Variants in SNX10 observed in about 807,000 individuals in gnomAD.
SNX10 encodes sorting nexin-10.
Under a neutral mutation model 28.5 loss-of-function variants are expected in SNX10, and 25 were observed. The observed-to-expected ratio is 0.88, with a 90% CI of 0.64 to 1.22. The LOEUF is 1.22. Among genes scored for constraint, SNX10 ranks in the 50% most tolerant of loss-of-function variants. The pLI is 0.00. For missense variants in SNX10, 223 were observed against 242.6 expected (o/e 0.92, Z 0.54); for synonymous variants, 62 against 81.4 (o/e 0.76, Z 1.28).
intron 1 of SNX10, among the ~76,000 whole-genome samples, chr7:26,307,606 C>A (rs1786649737): frequency 6.6e-6 from 1 of 152,100 alleles, no homozygotes; most frequent in Non-Finnish European, 1.5e-5. Context: ...TGCCATGAAA[C>A]CCAGCTAATT....
intron 1 of SNX10, among the ~76,000 whole-genome samples, chr7:26,338,180 G>A (rs1300953431): frequency 2.7e-5 from 4 of 147,162 alleles, no homozygotes; most frequent in African/African-American, 1.0e-4. Context: ...GCAGTGGCAT[G>A]GTCTTGGCTC....
chr7:26,292,319 G>T (rs1008443672), intron 1 of SNX10, among the ~76,000 whole-genome samples: 2 of 152,188 alleles, frequency 1.3e-5, no homozygotes, highest in South Asian at 2.1e-4. Flanking sequence ...GAGATGGAGC[G>T]CGTCGATCCA....
chr7:26,316,765 C>T (rs1787107745), intron 1 of SNX10, among the ~76,000 whole-genome samples: 1 of 152,192 alleles, frequency 6.6e-6, no homozygotes, highest in Non-Finnish European at 1.5e-5. Flanking sequence ...GGAGGATGAA[C>T]ACTGGGCAGC....
rs185623658 is a variant in SNX10 at position 26,363,621 on chromosome 7, C to T, written c.112-914C>T. ...TTACTCAAAGGAGAATATTTACTCT[C>T]GTCTTATGTTTACGCAAAGGAGAAT... On this transcript the variant is annotated intron_variant, in intron 3 of 6. Coordinates refer to ENST00000338523, the MANE Select transcript of SNX10 (RefSeq NM_013322.3). 2.1e-3 allele frequency among the ~76,000 whole-genome samples: 327 copies of T among 152,214 alleles called. 2 individuals are homozygous for T. The highest frequency in any genetic ancestry group is 7.6e-3 in the African/African-American group (316 of 41,540).
chr7:26,365,113 G>C lies in SNX10; in HGVS notation c.279G>C (p.Gln93His). The C allele has an allele frequency of 3.7e-6, 6 of 1,613,036 alleles. No individual in the cohort carries two copies. Among genetic ancestry groups the C allele is most frequent in the Non-Finnish European group, 5.1e-6 (6 of 1,179,026 alleles). ...FNMNNRQHVD[Q>H]RRQGLEDFLR... ...TGAACAATCGCCAGCACGTGGATCAGCGTCGCCAGGGTCTGGAAGATTTCC... is the reference window on the plus strand; with the variant it reads ...TGAACAATCGCCAGCACGTGGATCACCGTCGCCAGGGTCTGGAAGATTTCC... The change falls in exon 5 of 7, where the codon CAG becomes CAC. Residue 93 changes from glutamine (Q) to histidine (H), a missense_variant. Coordinates refer to ENST00000338523, the MANE Select transcript of SNX10 (RefSeq NM_013322.3).
chr7:26,315,024 G>C (rs913669856), intron 1 of SNX10, among the ~76,000 whole-genome samples: 1 of 112,564 alleles, frequency 8.9e-6, no homozygotes, highest in African/African-American at 3.3e-5. Flanking sequence ...AACCAAGGAA[G>C]GGACTAGAAA....
chr7:26,300,210 C>G (rs751715649), intron 1 of SNX10, among the ~76,000 whole-genome samples: 1 of 151,404 alleles, frequency 6.6e-6, no homozygotes, highest in African/African-American at 2.4e-5. Flanking sequence ...GACTCTGTCT[C>G]AAAAATAAAT....
intron 1 of SNX10, among the ~76,000 whole-genome samples, chr7:26,317,907 T>C (rs1787153741): frequency 6.6e-6 from 1 of 152,106 alleles, no homozygotes; most frequent in African/African-American, 2.4e-5. Context: ...ATAATCTGCC[T>C]GCCTCGGCCT....
chr7:26,316,918 T>G (rs908668505), intron 1 of SNX10, among the ~76,000 whole-genome samples: 2 of 152,188 alleles, frequency 1.3e-5, no homozygotes, highest in Non-Finnish European at 2.9e-5. Flanking sequence ...AATTTTAAGA[T>G]GCAAATGTTA....
intron 1 of SNX10, among the ~76,000 whole-genome samples, chr7:26,317,659 C>CTTTTTTTTTT (rs11310428): frequency 1.9e-5 from 2 of 106,220 alleles, no homozygotes; most frequent in Non-Finnish European, 3.8e-5. Context: ...CTTCTTTGAT[C>CTTTTTTTTTT]TTTTTTTTTT....
rs1789685635 is a variant in SNX10, at chr7:26,374,127, T to A, written c.*1555T>A. 6.6e-6 allele frequency: 1 copy of A among 152,068 alleles called. No homozygotes were observed. Among genetic ancestry groups the A allele is most frequent in the Non-Finnish European group, 1.5e-5 (1 of 67,914 alleles). The allele number at this position is 152,068 out of a possible 1,614,324, so 9.4% of individuals were successfully genotyped here. A position where few individuals can be genotyped will look rare whatever the true frequency, so the allele number is the denominator to read the frequency against. ...ATGCCATCCAGGCATTTAAGAGCGA[T>A]CCTCATCCCTTCAGCAATATGTATT... On this transcript the variant is annotated 3_prime_UTR_variant, in exon 7 of 7. Transcript: ENST00000338523.
chr7:26,349,343 A>AT (rs35282662), intron 2 of SNX10, among the ~76,000 whole-genome samples: 41,358 of 146,622 alleles, frequency 0.28, 6,397 homozygotes, highest in East Asian at 0.45. Context: ...AAATTTAGTA[A>AT]TTTTTTTTTT....
chr7:26,306,351 T>C (rs1324550687), intron 1 of SNX10, among the ~76,000 whole-genome samples: 1 of 152,168 alleles, frequency 6.6e-6, no homozygotes, highest in Non-Finnish European at 1.5e-5. Flanking sequence ...GCATTTAGAT[T>C]TAAAATATTC....
At position 26,373,913 on chromosome 7, in the gene SNX10, G is replaced by A. The variant is rs1436744119; in HGVS notation, c.*1341G>A. The stretch of plus-strand genomic sequence containing the variant: ...AACAGAAAAAAAAGCTAAGAAAACT[G>A]AGAACTAACATTAAAAAAATTAAAT... On this transcript the variant is annotated 3_prime_UTR_variant, in exon 7 of 7. Coordinates refer to ENST00000338523, the MANE Select transcript of SNX10 (RefSeq NM_013322.3). This position sits in a 1 kb window ranked among gnomAD's most constrained non-coding sequence, Gnocchi z 4.2. The A allele has an allele frequency of 6.6e-6, 1 of 151,836 alleles. No individual in the cohort carries two copies. The highest frequency in any genetic ancestry group is 2.4e-5 in the African/African-American group (1 of 41,360). The allele number at this position is 151,836 out of a possible 1,614,324, so 9.4% of individuals were successfully genotyped here. A position where few individuals can be genotyped will look rare whatever the true frequency, so the allele number is the denominator to read the frequency against.
At chr7:26,370,373 T>C (rs1789470966) in intron 5 of SNX10, 5 of 152,238 alleles carry the variant, frequency 3.3e-5, no homozygotes, top group Admixed American at 3.3e-4. Flanking sequence ...TCATGTGACA[T>C]GGTCATCTTT....
intron 1 of SNX10, among the ~76,000 whole-genome samples, chr7:26,312,647 G>A (rs1786893689): frequency 6.6e-6 from 1 of 152,176 alleles, no homozygotes. Context: ...AGCCAGGCGT[G>A]TTGGCGCTTG....
intron 1 of SNX10, among the ~76,000 whole-genome samples, chr7:26,299,883 G>A (rs1033759611): frequency 6.6e-6 from 1 of 151,982 alleles, no homozygotes; most frequent in Non-Finnish European, 1.5e-5. Context: ...GCAACATAGT[G>A]AGACCCTGTC....
intron 1 of SNX10, among the ~76,000 whole-genome samples, chr7:26,339,558 G>C (rs751261363): frequency 9.9e-6 from 1 of 101,270 alleles, no homozygotes; most frequent in African/African-American, 4.2e-5. Flanking sequence ...TTTTTTGACA[G>C]AGTCTCACTC....
chr7:26,373,690 A>G lies in SNX10; in HGVS notation c.*1118A>G, dbSNP rs1199790263. 1 of 152,036 alleles carries G rather than the reference A, an allele frequency of 6.6e-6. No individual in the cohort carries two copies. The highest frequency in any genetic ancestry group is 1.5e-5 in the Non-Finnish European group (1 of 67,898). The allele number at this position is 152,036 out of a possible 1,614,324, so 9.4% of individuals were successfully genotyped here. ...TGAGATAATTACCCAAGTTTCATCC[A>G]TGTTGAATGGTACAAAATATTTCTG... On this transcript the variant is annotated 3_prime_UTR_variant, in exon 7 of 7. Transcript: ENST00000338523. The surrounding 1 kb of genome is among the most constrained non-coding windows in gnomAD (Gnocchi z 4.2).
Sources: gnomAD v4.1 joint callset for allele counts (sites outside exome capture counted in the v4.1 genomes callset) on GRCh38, gnomAD v4.1.1 for gene constraint, Gnocchi (gnomAD v3.1) non-coding constraint, MANE v1.5 for transcripts, NCBI Gene and HGNC (gene_info 2026-07-23, HGNC 2026-07-21) for gene names.